CCND1: variants seen among roughly 807,000 people sequenced by gnomAD.
CCND1 encodes the protein cyclin D1, also known as G1/S-specific cyclin-D1.
A neutral mutation model predicts 26.1 loss-of-function variants in CCND1; 9 were observed. The ratio of observed to expected loss-of-function variants is 0.35; its 90% CI spans 0.21 to 0.60. The LOEUF is 0.60. Ranked by LOEUF, CCND1 falls within the 20% of genes least tolerant of loss-of-function variation. The pLI is 0.79. For missense variants in CCND1, 335 were observed against 392.9 expected (o/e 0.85, Z 1.25); for synonymous variants, 194 against 166.1 (o/e 1.17, Z -1.29).
At position 69,646,213 on chromosome 11, in the gene CCND1, A is replaced by G. The variant is rs570077507; in HGVS notation, c.575-1781A>G. On this transcript the variant is annotated intron_variant, in intron 3 of 4. Transcript: ENST00000227507. The stretch of plus-strand genomic sequence containing the variant: ...TCTGTGTGCGGTTCTGATTTGCCTC[A>G]ATGAGAAGGTTTTCATTCATGGCTC... Among the ~76,000 whole-genome samples the G allele has an allele frequency of 1.1e-3, 163 of 152,200 alleles. 1 individual carries two copies. Among genetic ancestry groups the G allele is most frequent in the African/African-American group, 3.7e-3 (152 of 41,526 alleles).
chr11:69,643,316 G>A lies in CCND1; in HGVS notation c.414+70G>A, dbSNP rs763064872. 3.1e-6 allele frequency: 4 copies of A among 1,297,340 alleles called. No homozygotes were observed. In the Admixed American group the frequency reaches 9.0e-5, roughly 29 times the overall value. The allele number at this position is 1,297,340 out of a possible 1,614,324, so 80.4% of individuals were successfully genotyped here. The stretch of plus-strand genomic sequence containing the variant: ...GCAGGACCACGGGGCCGGGGAAGGT[G>A]CAGGCGGTGGCGGCCGGCCCGCCTC... On this transcript the variant is annotated intron_variant, in intron 2 of 4. Coordinates refer to ENST00000227507, the MANE Select transcript of CCND1 (RefSeq NM_053056.3).
chr11:69,651,003 G>GC, intron 4 of CCND1, 115 bp from the exon 5 acceptor site: 1 of 926,960 alleles, frequency 1.1e-6, no homozygotes, highest in East Asian at 3.1e-5. Context: ...ACAGTTTTTG[G>GC]CTTAGTCTTG....
At chr11:69,651,013 G>GC (rs1472725944) in intron 4 of CCND1, 105 bp from the exon 5 acceptor site, 4 of 1,105,374 alleles carry the variant, frequency 3.6e-6, no homozygotes, top group Non-Finnish European at 5.1e-6. Flanking sequence ...GCTTAGTCTT[G>GC]CTCTTATAAA....
chr11:69,653,945 T>A lies in CCND1; in HGVS notation c.*2663T>A. The A allele has an allele frequency of 1.8e-6, 1 of 564,408 alleles. No individual in the cohort carries two copies. Among genetic ancestry groups the A allele is most frequent in the Admixed American group, 3.3e-5 (1 of 30,616 alleles). 35.0% of individuals were successfully genotyped at this position (564,408 alleles called of 1,614,324 possible). ...TATTGTTTTGTTAATTACACCATAA[T>A]GCTAATTTAAAGAGACTCCAAATCT... is the stretch of plus-strand genomic sequence containing the variant. On this transcript the variant is annotated 3_prime_UTR_variant, in exon 5 of 5. Coordinates refer to ENST00000227507, the MANE Select transcript of CCND1 (RefSeq NM_053056.3).
rs1855847144 is a variant in CCND1, at chr11:69,651,057, T to A, written c.724-61T>A. ...GGTCATGGCACCTGGGAAGGGGCCCTCGCTGCAGGCCCCTTCTAAGGACCC... is the reference window on the plus strand; with the variant it reads ...GGTCATGGCACCTGGGAAGGGGCCCACGCTGCAGGCCCCTTCTAAGGACCC... On this transcript the variant is annotated intron_variant, in intron 4 of 4. Transcript: ENST00000227507. The A allele has an allele frequency of 2.7e-6, 4 of 1,499,946 alleles. No individual in the cohort carries two copies. The East Asian group carries it at 9.8e-5, about 37-fold the overall frequency. 92.9% of individuals were successfully genotyped at this position (1,499,946 alleles called of 1,614,324 possible). A position where few individuals can be genotyped will look rare whatever the true frequency, so the allele number is the denominator to read the frequency against.
At chr11:69,651,014 C>T (rs1855846533) in intron 4 of CCND1, 104 bp from the exon 5 acceptor site, 1 of 1,129,798 alleles carries the variant, frequency 8.9e-7, no homozygotes, top group East Asian at 2.9e-5. Flanking sequence ...CTTAGTCTTG[C>T]TCTTATAAAG....
At chr11:69,643,623 G>A in intron 2 of CCND1, 1 of 510,282 alleles carries the variant, frequency 2.0e-6, no homozygotes, top group South Asian at 3.3e-5. Flanking sequence ...CGCCTTTTCT[G>A]TTTTGATCTG....
rs145912824 is a variant in CCND1, at chr11:69,654,320, C to T, written c.*3038C>T. ...GGGCACAGCGGAGTCTGTCCTGTGACGCGCAAGTCTGAGGGTCTGGGCGGC... is the reference window on the plus strand; with the variant it reads ...GGGCACAGCGGAGTCTGTCCTGTGATGCGCAAGTCTGAGGGTCTGGGCGGC... On this transcript the variant is annotated 3_prime_UTR_variant, in exon 5 of 5. Coordinates refer to ENST00000227507, the MANE Select transcript of CCND1 (RefSeq NM_053056.3). This position sits in a 1 kb window ranked among gnomAD's most constrained non-coding sequence, Gnocchi z 6.3. 3.1e-3 allele frequency: 2,186 copies of T among 702,556 alleles called. 24 individuals are homozygous for T. Among genetic ancestry groups the T allele is most frequent in the East Asian group, 0.019 (713 of 37,278 alleles). The allele number at this position is 702,556 out of a possible 1,614,324, so 43.5% of individuals were successfully genotyped here. A position where few individuals can be genotyped will look rare whatever the true frequency, so the allele number is the denominator to read the frequency against.
rs766597182 is a variant in CCND1 at position 69,651,098 on chromosome 11, C to A, written c.724-20C>A. ...CTAAGGACCCCCTCTTCCCACCTCT[C>A]CCCACCCTCTCTCTCTCAGGACTGC... is the stretch of plus-strand genomic sequence containing the variant. On this transcript the variant is annotated intron_variant, in intron 4 of 4. Coordinates refer to ENST00000227507, the MANE Select transcript of CCND1 (RefSeq NM_053056.3). 6.2e-7 allele frequency: 1 copy of A among 1,608,442 alleles called. No homozygotes were observed. Among genetic ancestry groups the A allele is most frequent in the Non-Finnish European group, 8.5e-7 (1 of 1,177,432 alleles).
chr11:69,646,352 C>G lies in CCND1; in HGVS notation c.575-1642C>G, dbSNP rs373948114. Among the ~76,000 whole-genome samples the G allele has an allele frequency of 6.7e-3, 1,023 of 152,296 alleles. 8 individuals are homozygous for G. The highest frequency in any genetic ancestry group is 0.023 in the African/African-American group (955 of 41,566). On this transcript the variant is annotated intron_variant, in intron 3 of 4. Transcript: ENST00000227507. ...CGGCGCCCAGCAGCCGGCTTTGTCTCCCCTTCAGGGTGGCTGCCTTTCTTC... is the reference window on the plus strand; with the variant it reads ...CGGCGCCCAGCAGCCGGCTTTGTCTGCCCTTCAGGGTGGCTGCCTTTCTTC...
At position 69,653,185 on chromosome 11, in the gene CCND1, C is replaced by A; in HGVS notation, c.*1903C>A. 2 of 661,818 alleles carry A rather than the reference C, an allele frequency of 3.0e-6. No individual in the cohort carries two copies. Among genetic ancestry groups the A allele is most frequent in the Admixed American group, 4.6e-5 (2 of 43,382 alleles). 41.0% of individuals were successfully genotyped at this position (661,818 alleles called of 1,614,324 possible). ...GGAGGAGGTGTGAGGAGGAGGCTCC[C>A]GAGGGGAAGGGGCGGTGCCCACACC... On this transcript the variant is annotated 3_prime_UTR_variant, in exon 5 of 5. Transcript: ENST00000227507.
At position 69,653,478 on chromosome 11, in the gene CCND1, A is replaced by T; in HGVS notation, c.*2196A>T. The T allele has an allele frequency of 1.8e-6, 1 of 570,080 alleles. No homozygotes were observed. The allele number at this position is 570,080 out of a possible 1,614,324, so 35.3% of individuals were successfully genotyped here. A position where few individuals can be genotyped will look rare whatever the true frequency, so the allele number is the denominator to read the frequency against. The stretch of plus-strand genomic sequence containing the variant: ...AATGTGATTACTGCTCTATTCCAAA[A>T]AGGTTGCTGTTTCACAATACCTCAT... On this transcript the variant is annotated 3_prime_UTR_variant, in exon 5 of 5. Transcript: ENST00000227507.
intron 3 of CCND1, among the ~76,000 whole-genome samples, chr11:69,645,233 G>A (rs868386802): frequency 2.0e-5 from 3 of 152,222 alleles, no homozygotes; most frequent in Non-Finnish European, 2.9e-5. Context: ...CTCCTCAGAG[G>A]AGAGAGGCCT....
chr11:69,651,387 G>A lies in CCND1; in HGVS notation c.*105G>A. ...TCTCCGGAGCATTTTGATACCAGAA[G>A]GGAAAGCTTCATTCTCCTTGTTGTT... On this transcript the variant is annotated 3_prime_UTR_variant, in exon 5 of 5. Transcript: ENST00000227507. 1.0e-6 allele frequency: 1 copy of A among 980,186 alleles called. No homozygotes were observed. Among genetic ancestry groups the A allele is most frequent in the East Asian group, 3.2e-5 (1 of 30,788 alleles). The allele number at this position is 980,186 out of a possible 1,614,324, so 60.7% of individuals were successfully genotyped here. A position where few individuals can be genotyped will look rare whatever the true frequency, so the allele number is the denominator to read the frequency against.
intron 4 of CCND1, 51 bp from the exon 5 acceptor site, chr11:69,651,067 C>A (rs746479078): frequency 2.6e-6 from 4 of 1,567,000 alleles, no homozygotes; most frequent in Non-Finnish European, 3.5e-6. Flanking sequence ...TCGCTGCAGG[C>A]CCCTTCTAAG....
chr11:69,644,351 T>C (rs1433428354), intron 3 of CCND1, among the ~76,000 whole-genome samples: 1 of 152,118 alleles, frequency 6.6e-6, no homozygotes, highest in East Asian at 1.9e-4. Flanking sequence ...TCCACCCACC[T>C]CCAGCCCTTC....
At chr11:69,648,205 A>T (rs2120110933) in intron 4 of CCND1, 63 bp downstream of exon 4, 1 of 1,588,756 alleles carries the variant, frequency 6.3e-7, no homozygotes, top group Non-Finnish European at 8.6e-7. Flanking sequence ...ACCTAGTGCC[A>T]CGGAAATGCC....
chr11:69,643,543 G>T (rs1855739312), intron 2 of CCND1, among the ~76,000 whole-genome samples: 1 of 152,260 alleles, frequency 6.6e-6, no homozygotes, highest in African/African-American at 2.4e-5. Flanking sequence ...CGCGCTCGGC[G>T]CTGAGCCTCC....
chr11:69,651,104 C>T lies in CCND1; in HGVS notation c.724-14C>T. On this transcript the variant is annotated splice_polypyrimidine_tract_variant and intron_variant, in intron 4 of 4. Transcript: ENST00000227507. ...ACCCCCTCTTCCCACCTCTCCCCAC[C>T]CTCTCTCTCTCAGGACTGCCTCCGG... is the stretch of plus-strand genomic sequence containing the variant. 9 of 1,608,736 alleles carry T rather than the reference C, an allele frequency of 5.6e-6. No individual in the cohort carries two copies. The highest frequency in any genetic ancestry group is 6.8e-6 in the Non-Finnish European group (8 of 1,177,438).
Sources: gnomAD v4.1 joint callset for allele counts (sites outside exome capture counted in the v4.1 genomes callset) on GRCh38, gnomAD v4.1.1 for gene constraint, Gnocchi (gnomAD v3.1) non-coding constraint, MANE v1.5 for transcripts, NCBI Gene and HGNC (gene_info 2026-07-23, HGNC 2026-07-21) for gene names.